PAX3: variants seen among roughly 807,000 people sequenced by gnomAD.
PAX3 encodes paired box 3.
Under a neutral mutation model 51.6 loss-of-function variants are expected in PAX3, and 14 were observed. That is an observed-to-expected ratio of 0.27 (90% CI 0.18 to 0.42). The LOEUF (loss-of-function observed/expected upper bound fraction) is 0.42, where lower values mean the gene tolerates loss of function less well. Among genes scored for constraint, PAX3 ranks in the 10% least tolerant of loss-of-function variants. PAX3 has a pLI of 1.00. For synonymous variants in PAX3, 280 were observed against 253.4 expected, an observed-to-expected ratio of 1.11 and a Z score of -1.00; for missense variants, 540 against 642.8, an observed-to-expected ratio of 0.84 and a Z score of 1.73.
intron 4 of PAX3, among the ~76,000 whole-genome samples, chr2:222,235,982 C>T (rs879654337): frequency 6.6e-5 from 10 of 152,102 alleles, no homozygotes; most frequent in Non-Finnish European, 7.3e-5. Context: ...CCTGATTTTT[C>T]GGCTGGAAAC....
At chr2:222,203,847 A>G (rs1319048960) in intron 7 of PAX3, among the ~76,000 whole-genome samples, 2 of 151,928 alleles carry the variant, frequency 1.3e-5, no homozygotes, top group Admixed American at 1.3e-4. Context: ...TGGATTATCA[A>G]TTATCCACTC....
At chr2:222,250,027 C>T (rs187546809) in intron 4 of PAX3, among the ~76,000 whole-genome samples, 10 of 152,100 alleles carry the variant, frequency 6.6e-5, no homozygotes, top group African/African-American at 2.2e-4. Context: ...TTCAGAGAAC[C>T]TCATGAATAA....
Position 222,298,668 on chromosome 2 carries a change from G to GTT in PAX3, c.-54_-53insAA. On this transcript the variant is annotated 5_prime_UTR_variant, in exon 1 of 9. Coordinates refer to ENST00000392070, the MANE Select transcript of PAX3 (RefSeq NM_181458.4). ...TATCCAGGTGAAGGCGAAACGGAAA[G>GTT]GCGAGTGCGGCGCGGATGACCCTCG... 6.7e-7 allele frequency: 1 copy of GTT among 1,498,038 alleles called. No individual in the cohort carries two copies. Among genetic ancestry groups the GTT allele is most frequent in the South Asian group, 1.2e-5 (1 of 83,388 alleles). The allele number at this position is 1,498,038 out of a possible 1,614,324, so 92.8% of individuals were successfully genotyped here.
intron 4 of PAX3, among the ~76,000 whole-genome samples, chr2:222,281,327 C>A (rs138922035): frequency 6.6e-6 from 1 of 152,196 alleles, no homozygotes; most frequent in Non-Finnish European, 1.5e-5. Flanking sequence ...AATCACGAAA[C>A]GGAAAATTAA....
At chr2:222,203,011 T>TAATATATA (rs1454502969) in intron 7 of PAX3, among the ~76,000 whole-genome samples, 1 of 40,888 alleles carries the variant, frequency 2.4e-5, no homozygotes, top group Non-Finnish European at 4.4e-5. Context: ...AACAACCATT[T>TAATATATA]CATATATATA....
chr2:222,297,327 C>A, intron 1 of PAX3, 114 bp from the exon 2 acceptor site: 1 of 807,072 alleles, frequency 1.2e-6, no homozygotes, highest in Non-Finnish European at 2.1e-6. Context: ...GTTACAGCAC[C>A]GACGCTGAAA....
At chr2:222,213,246 T>G (rs917516309) in intron 7 of PAX3, among the ~76,000 whole-genome samples, 13 of 152,182 alleles carry the variant, frequency 8.5e-5, no homozygotes, top group Non-Finnish European at 1.6e-4. Context: ...AGGCTATGAC[T>G]GGAGCTGACA....
At chr2:222,291,435 G>A (rs1260251406) in intron 4 of PAX3, among the ~76,000 whole-genome samples, 4 of 152,232 alleles carry the variant, frequency 2.6e-5, no homozygotes, top group African/African-American at 9.6e-5. Flanking sequence ...CACCGCTAGC[G>A]GCTCAGCTCT....
At chr2:222,271,336 A>T (rs1448602697) in intron 4 of PAX3, among the ~76,000 whole-genome samples, 2 of 152,220 alleles carry the variant, frequency 1.3e-5, no homozygotes, top group African/African-American at 2.4e-5. Flanking sequence ...AATCCAGCTC[A>T]ACAAGACACA....
intron 7 of PAX3, among the ~76,000 whole-genome samples, chr2:222,217,951 C>A (rs1269692999): frequency 6.6e-6 from 1 of 152,130 alleles, no homozygotes; most frequent in African/African-American, 2.4e-5. Flanking sequence ...TACTGATTTG[C>A]TCATTGTCCT....
chr2:222,297,732 T>G (rs369718424), intron 1 of PAX3, among the ~76,000 whole-genome samples: 5 of 152,232 alleles, frequency 3.3e-5, no homozygotes, highest in South Asian at 2.1e-4. Context: ...CAAGCAGCAG[T>G]GCCTGTGTCA....
At position 222,201,211 on chromosome 2, in the gene PAX3, TCGAA is replaced by T. The variant is rs1691276340; in HGVS notation, c.*193_*196del. ...GTCTTCCTCTTCTCCACTGCTTTTG[TCGAA>T]CGTGTTCAAAAGGATTTGAAACCAA... On this transcript the variant is annotated 3_prime_UTR_variant, in exon 9 of 9. Transcript: ENST00000392070. 6.2e-7 allele frequency: 1 copy of T among 1,614,010 alleles called. No homozygotes were observed. Among genetic ancestry groups the T allele is most frequent in the Admixed American group, 1.7e-5 (1 of 60,004 alleles).
intron 4 of PAX3, among the ~76,000 whole-genome samples, chr2:222,269,866 G>A (rs1419654117): frequency 6.6e-6 from 1 of 152,204 alleles, no homozygotes; most frequent in African/African-American, 2.4e-5. Context: ...AAATGTGCTA[G>A]TGAGCTCAAG....
At chr2:222,289,256 T>C (rs559525218) in intron 4 of PAX3, among the ~76,000 whole-genome samples, 17 of 152,344 alleles carry the variant, frequency 1.1e-4, no homozygotes, top group African/African-American at 4.1e-4. Context: ...TCACCGTTTG[T>C]TTGTTGTTAC....
chr2:222,240,311 T>C (rs1692964036), intron 4 of PAX3, among the ~76,000 whole-genome samples: 1 of 152,166 alleles, frequency 6.6e-6, no homozygotes, highest in Non-Finnish European at 1.5e-5. Flanking sequence ...AAGCTGCCTC[T>C]GAAGTGCTGA....
At chr2:222,274,094 G>A (rs376480478) in intron 4 of PAX3, among the ~76,000 whole-genome samples, 33 of 152,108 alleles carry the variant, frequency 2.2e-4, no homozygotes, top group African/African-American at 7.2e-4. Flanking sequence ...TCTCTCCACT[G>A]TGCTCTGTTC....
At chr2:222,259,530 A>T (rs1431770133) in intron 4 of PAX3, among the ~76,000 whole-genome samples, 1 of 152,270 alleles carries the variant, frequency 6.6e-6, no homozygotes, top group Non-Finnish European at 1.5e-5. Context: ...AACTAAGCAG[A>T]GAAGTGACAT....
chr2:222,223,854 T>C (rs1019987181), intron 5 of PAX3, among the ~76,000 whole-genome samples: 1 of 152,238 alleles, frequency 6.6e-6, no homozygotes, highest in Non-Finnish European at 1.5e-5. Context: ...GTCAGATTTG[T>C]TGGCAATCTC....
chr2:222,284,238 T>G (rs1694746645), intron 4 of PAX3, among the ~76,000 whole-genome samples: 1 of 152,158 alleles, frequency 6.6e-6, no homozygotes, highest in African/African-American at 2.4e-5. Context: ...AATGAGAAAC[T>G]GTGCAAAAAC....
Sources: allele counts gnomAD v4.1 joint callset (sites outside exome capture counted in the v4.1 genomes callset), GRCh38; gene constraint gnomAD v4.1.1; transcripts MANE v1.5; gene names NCBI Gene and HGNC (gene_info 2026-07-23, HGNC 2026-07-21).